CAMK2G: variants seen among roughly 807,000 people sequenced by gnomAD.
The protein encoded by CAMK2G is calcium/calmodulin-dependent protein kinase type II subunit gamma.
In CAMK2G, 23 loss-of-function variants were observed where a neutral mutation model predicts 88.7. The observed-to-expected ratio is 0.26, with a 90% CI of 0.19 to 0.37. CAMK2G has a LOEUF of 0.37. CAMK2G is among the 10% of genes least tolerant of loss of function. The pLI, the probability that CAMK2G is intolerant of heterozygous loss-of-function variation, is 1.00. For synonymous variants in CAMK2G, 263 were observed against 294.8 expected (o/e 0.89, Z 1.11); for missense variants, 476 against 780.8 (o/e 0.61, Z 4.65).
In CAMK2G at chr10:73,874,443, A is replaced by AG; in HGVS notation, c.18dup (p.Cys7LeufsTer55). ...TGGTAGTCGTCGGTGAAACGGGTGC[A>AG]GGTGGCGGTGGTGGCCATGCTGGCG... On this transcript the variant is annotated frameshift_variant, in exon 1 of 23. Coordinates refer to ENST00000423381, the MANE Select transcript of CAMK2G (RefSeq NM_001367534.1). LOFTEE classifies it high-confidence loss of function. 6.6e-7 allele frequency: 1 copy of AG among 1,520,376 alleles called. No individual in the cohort carries two copies. The highest frequency in any genetic ancestry group is 8.9e-7 in the Non-Finnish European group (1 of 1,125,286). The allele number at this position is 1,520,376 out of a possible 1,614,324, so 94.2% of individuals were successfully genotyped here.
rs1322519073 is a variant in CAMK2G, at chr10:73,860,863, G to A, written c.187C>T (p.Arg63Trp). The change falls in exon 3 of 23, where the codon CGG (arginine) becomes TGG (tryptophan). Residue 63 changes from arginine to tryptophan, a missense_variant. Arg to Trp is a moderately radical substitution (Grantham distance 101). Transcript: ENST00000423381. Reference protein sequence around the residue: ...RDHQKLEREARICRLLKHPNI... With the variant: ...RDHQKLEREAWICRLLKHPNI... ...GGATGTTTCAGAAGTCGACATATCC[G>A]AGCCTCACGTTCTAGTTTCTGGTGA... is the stretch of plus-strand genomic sequence containing the variant. 3.7e-6 allele frequency: 6 copies of A among 1,613,770 alleles called. No individual in the cohort carries two copies. Among genetic ancestry groups the A allele is most frequent in the African/African-American group, 1.3e-5 (1 of 75,032 alleles).
intron 12 of CAMK2G, among the ~76,000 whole-genome samples, chr10:73,840,813 C>T (rs182479268): frequency 6.6e-6 from 1 of 152,324 alleles, no homozygotes; most frequent in Non-Finnish European, 1.5e-5. Flanking sequence ...GGGGCAACAC[C>T]GAAACGCCCT....
intron 15 of CAMK2G, among the ~76,000 whole-genome samples, chr10:73,826,776 T>C (rs1466931378): frequency 6.6e-6 from 1 of 152,158 alleles, no homozygotes; most frequent in Non-Finnish European, 1.5e-5. Context: ...ATCCTGACTG[T>C]CCTACTTCTT....
rs187366541 is a variant in CAMK2G at position 73,847,014 on chromosome 10, G to T, written c.819+211C>A. 97 of 549,052 alleles carry T rather than the reference G, an allele frequency of 1.8e-4. No individual in the cohort carries two copies. The Admixed American group carries it at 3.0e-3, about 17-fold the overall frequency. 34.0% of individuals were successfully genotyped at this position (549,052 alleles called of 1,614,324 possible). A position where few individuals can be genotyped will look rare whatever the true frequency, so the allele number is the denominator to read the frequency against. On this transcript the variant is annotated intron_variant, in intron 10 of 22. Coordinates refer to ENST00000423381, the MANE Select transcript of CAMK2G (RefSeq NM_001367534.1). Reference sequence around the variant, plus strand: ...CAGCCTGACAGCCATGAGTGGGGGAGAGAGGAGCAGTGGCCCACCAGCCCC... The same window carrying T: ...CAGCCTGACAGCCATGAGTGGGGGATAGAGGAGCAGTGGCCCACCAGCCCC...
At chr10:73,819,761 G>T in intron 18 of CAMK2G, 116 bp from the exon 19 acceptor site, 3 of 641,190 alleles carry the variant, frequency 4.7e-6, no homozygotes, top group Non-Finnish European at 8.0e-6. Flanking sequence ...GCAGAGCCGG[G>T]GCAAGGGGAC....
intron 10 of CAMK2G, among the ~76,000 whole-genome samples, chr10:73,845,348 C>T (rs998059571): frequency 6.6e-6 from 1 of 151,996 alleles, no homozygotes; most frequent in Non-Finnish European, 1.5e-5. Flanking sequence ...TTTGGGAAGC[C>T]GAGGCGGGTG....
rs534911306 is a variant in CAMK2G at position 73,857,039 on chromosome 10, G to GC, written c.220+3790dup. On this transcript the variant is annotated intron_variant, in intron 3 of 22. Transcript: ENST00000423381. ...ATGGGGGCTTGTGGGGGACTGAGCT[G>GC]CCCCCCAAGAGCTTACTGTGGCAGG... Among the ~76,000 whole-genome samples, 319 of 152,318 alleles carry GC rather than the reference G, an allele frequency of 2.1e-3. 1 individual carries two copies. Among genetic ancestry groups the GC allele is most frequent in the Non-Finnish European group, 3.9e-3 (263 of 68,018 alleles).
intron 3 of CAMK2G, 141 bp from the exon 4 acceptor site, chr10:73,853,387 G>A (rs557575800): frequency 1.4e-5 from 10 of 705,034 alleles, no homozygotes; most frequent in East Asian, 2.7e-5. Context: ...AAGTGGCGAC[G>A]TGCCCAGTGC....
chr10:73,837,264 A>G, intron 14 of CAMK2G: 1 of 641,642 alleles, frequency 1.6e-6, no homozygotes, highest in South Asian at 1.8e-5. Context: ...AGTCATTCCC[A>G]TCCAGCTAGG....
chr10:73,816,888 G>A, intron 21 of CAMK2G, 135 bp downstream of exon 21: 1 of 1,608,402 alleles, frequency 6.2e-7, no homozygotes, highest in Non-Finnish European at 8.5e-7. Flanking sequence ...AAGGGGACAA[G>A]CATACAGAGT....
intron 18 of CAMK2G, among the ~76,000 whole-genome samples, chr10:73,820,042 T>C (rs897441458): frequency 6.6e-6 from 1 of 152,204 alleles, no homozygotes; most frequent in Non-Finnish European, 1.5e-5. Context: ...CACAGGGGCC[T>C]GGAGCTACTA....
At chr10:73,862,854 A>G (rs2095440758) in intron 2 of CAMK2G, among the ~76,000 whole-genome samples, 1 of 152,200 alleles carries the variant, frequency 6.6e-6, no homozygotes, top group African/African-American at 2.4e-5. Context: ...CCTCTACCCT[A>G]AACAGCAAAA....
Position 73,842,427 on chromosome 10 carries a change from A to C in CAMK2G, c.903+31T>G, listed in dbSNP as rs1394113004. ...CACACTGGTGCAAGGCATGATGTCA[A>C]GGAGGCTGGCAGCCTAGAAACGACA... On this transcript the variant is annotated intron_variant, in intron 11 of 22. Transcript: ENST00000423381. This position sits in a 1 kb window ranked among gnomAD's most constrained non-coding sequence, Gnocchi z 4.6. 3 of 1,519,576 alleles carry C rather than the reference A, an allele frequency of 2.0e-6. No individual in the cohort carries two copies. Among genetic ancestry groups the C allele is most frequent in the Non-Finnish European group, 2.7e-6 (3 of 1,093,604 alleles). 94.1% of individuals were successfully genotyped at this position (1,519,576 alleles called of 1,614,324 possible). A position where few individuals can be genotyped will look rare whatever the true frequency, so the allele number is the denominator to read the frequency against.
Position 73,860,924 on chromosome 10 carries a change from C to T in CAMK2G, c.161-35G>A, listed in dbSNP as rs751584579. The T allele has an allele frequency of 2.3e-5, 35 of 1,499,160 alleles. No individual in the cohort carries two copies. In the South Asian group the frequency reaches 3.8e-4, roughly 16 times the overall value. 92.9% of individuals were successfully genotyped at this position (1,499,160 alleles called of 1,614,324 possible). On this transcript the variant is annotated intron_variant, in intron 2 of 22. Transcript: ENST00000423381. Reference sequence around the variant, plus strand: ...GAAGAGAAAAAACAAAAGCCATCAACCATCCATTCTCCTTGTGGTCACCTT... The same window carrying T: ...GAAGAGAAAAAACAAAAGCCATCAATCATCCATTCTCCTTGTGGTCACCTT...
chr10:73,865,932 C>G (rs763357787), intron 2 of CAMK2G, among the ~76,000 whole-genome samples: 5 of 149,012 alleles, frequency 3.4e-5, no homozygotes, highest in Non-Finnish European at 7.4e-5. Context: ...AGGGCCACTT[C>G]CTGCCTGCCT....
At position 73,847,291 on chromosome 10, in the gene CAMK2G, C is replaced by G; in HGVS notation, c.753G>C (p.Gln251His). The G allele has an allele frequency of 6.2e-7, 1 of 1,614,086 alleles. No individual in the cohort carries two copies. The highest frequency in any genetic ancestry group is 8.5e-7 in the Non-Finnish European group (1 of 1,179,942). ...GCTTTGCTGGGTTTATGGTCAGCATCTGGTTGATCAAGTTCTTGGCTTCAG... is the reference window on the plus strand; with the variant it reads ...GCTTTGCTGGGTTTATGGTCAGCATGTGGTTGATCAAGTTCTTGGCTTCAG... ...VTPEAKNLIN[Q>H]MLTINPAKRI... is the part of the protein sequence containing the mutation. Residue 251 changes from glutamine (Q) to histidine (H), a missense_variant, in exon 10 of 23, where the codon CAG becomes CAC. By Grantham distance (24) the Gln-to-His change is conservative. Around this residue, in one of 3 missense-constraint regions of CAMK2G, gnomAD observed 164 missense variants for 385.6 expected, o/e 0.43. Transcript: ENST00000423381.
intron 1 of CAMK2G, among the ~76,000 whole-genome samples, chr10:73,873,983 C>A (rs1019494776): frequency 6.6e-6 from 1 of 151,018 alleles, no homozygotes; most frequent in African/African-American, 2.4e-5. Flanking sequence ...CACGCCCGGG[C>A]TCCGCAGCAG....
At chr10:73,872,308 C>CGGAGGCAGTGCAGTTT (rs1202455156) in intron 2 of CAMK2G, among the ~76,000 whole-genome samples, 2 of 152,302 alleles carry the variant, frequency 1.3e-5, no homozygotes, top group Non-Finnish European at 2.9e-5. Context: ...TCCTCAGACT[C>CGGAGGCAGTGCAGTTT]GGAGGCAGTG....
chr10:73,815,910 T>A (rs1168797424), intron 21 of CAMK2G: 1 of 985,202 alleles, frequency 1.0e-6, no homozygotes, highest in Non-Finnish European at 1.2e-6. Flanking sequence ...CACATTTTAG[T>A]TCAATTCAAA....
Sources: allele counts gnomAD v4.1 joint callset (sites outside exome capture counted in the v4.1 genomes callset), GRCh38; gene constraint gnomAD v4.1.1; regional missense constraint gnomAD v4.1.1; non-coding constraint Gnocchi (gnomAD v3.1); transcripts MANE v1.5; gene names NCBI Gene and HGNC (gene_info 2026-07-23, HGNC 2026-07-21).